Variants in PRKD1 observed in about 807,000 individuals in gnomAD.
PRKD1 encodes protein kinase D1, also known as serine/threonine-protein kinase D1.
A neutral mutation model predicts 95.9 loss-of-function variants in PRKD1; 63 were observed. The observed-to-expected ratio is 0.66, with a 90% CI of 0.54 to 0.81. The LOEUF (loss-of-function observed/expected upper bound fraction) is 0.81, where lower values mean the gene tolerates loss of function less well. Among genes scored for constraint, PRKD1 ranks in the 30% least tolerant of loss-of-function variants. The probability of loss-of-function intolerance (pLI) is 0.00; values close to 1 mark genes in which losing one functional copy is unlikely to be tolerated. For synonymous variants in PRKD1, 425 were observed against 423.1 expected, an observed-to-expected ratio of 1.00 and a Z score of -0.05; for missense variants, 1,048 against 1,165.3, an observed-to-expected ratio of 0.90 and a Z score of 1.47.
intron 13 of PRKD1, among the ~76,000 whole-genome samples, chr14:29,615,292 T>G (rs1395139794): frequency 1.3e-5 from 2 of 152,274 alleles, no homozygotes; most frequent in Non-Finnish European, 2.9e-5. Context: ...ACCAATATTT[T>G]CCATCCACTA....
intron 16 of PRKD1, among the ~76,000 whole-genome samples, chr14:29,588,972 C>T (rs1893031654): frequency 6.6e-6 from 1 of 152,010 alleles, no homozygotes; most frequent in Non-Finnish European, 1.5e-5. Flanking sequence ...CACCTGTGAA[C>T]ACAGAAAATG....
At chr14:29,713,256 T>C (rs1308055496) in intron 2 of PRKD1, among the ~76,000 whole-genome samples, 1 of 152,112 alleles carries the variant, frequency 6.6e-6, no homozygotes, top group Non-Finnish European at 1.5e-5. Flanking sequence ...CATAAAACCA[T>C]AAAACAATCT....
At chr14:29,738,702 C>A (rs529701877) in intron 1 of PRKD1, among the ~76,000 whole-genome samples, 47 of 152,338 alleles carry the variant, frequency 3.1e-4, no homozygotes, top group Middle Eastern at 6.8e-3. Context: ...TTGTTTCACA[C>A]TAGCACCTGC....
chr14:29,721,177 C>CAGG (rs1452068413), intron 2 of PRKD1, among the ~76,000 whole-genome samples: 1 of 152,142 alleles, frequency 6.6e-6, no homozygotes, highest in African/African-American at 2.4e-5. Flanking sequence ...GACTACAGTG[C>CAGG]CAGCTCTCTA....
At chr14:29,633,676 C>A (rs1243157115) in intron 8 of PRKD1, among the ~76,000 whole-genome samples, 1 of 152,038 alleles carries the variant, frequency 6.6e-6, no homozygotes, top group South Asian at 2.1e-4. Context: ...CAATTTTAGG[C>A]CAGTCAAATA....
At chr14:29,765,104 A>T (rs528009401) in intron 1 of PRKD1, among the ~76,000 whole-genome samples, 189 of 152,336 alleles carry the variant, frequency 1.2e-3, no homozygotes, top group Non-Finnish European at 1.5e-3. Context: ...AAGCAAATAT[A>T]GATTATCTCT....
chr14:29,621,752 A>G (rs1456157695), intron 13 of PRKD1, among the ~76,000 whole-genome samples: 1 of 152,144 alleles, frequency 6.6e-6, no homozygotes, highest in Non-Finnish European at 1.5e-5. Flanking sequence ...CTGAACCTAG[A>G]ACAGTGTTTG....
intron 1 of PRKD1, among the ~76,000 whole-genome samples, chr14:29,904,546 T>C (rs1215638255): frequency 2.0e-5 from 3 of 152,196 alleles, no homozygotes; most frequent in East Asian, 3.8e-4. Context: ...AGCTGATAAA[T>C]GTTAGCTATA....
chr14:29,826,468 A>G (rs1353352366), intron 1 of PRKD1, among the ~76,000 whole-genome samples: 5 of 116,268 alleles, frequency 4.3e-5, no homozygotes, highest in African/African-American at 1.8e-4. Flanking sequence ...TGGAATATAT[A>G]TACATATATA....
chr14:29,763,125 T>TAAAAAAAAA (rs36087571), intron 1 of PRKD1, among the ~76,000 whole-genome samples: 1 of 64,774 alleles, frequency 1.5e-5, no homozygotes, highest in Non-Finnish European at 2.8e-5. Context: ...TCTCTAAAAT[T>TAAAAAAAAA]AAAAAAAAAA....
chr14:29,850,816 G>A (rs1414847059), intron 1 of PRKD1, among the ~76,000 whole-genome samples: 2 of 151,224 alleles, frequency 1.3e-5, no homozygotes, highest in African/African-American at 4.9e-5. Context: ...TACATTACCT[G>A]ACTTCAAACC....
intron 1 of PRKD1, among the ~76,000 whole-genome samples, chr14:29,735,809 G>A (rs932011681): frequency 6.6e-6 from 1 of 152,046 alleles, no homozygotes; most frequent in Non-Finnish European, 1.5e-5. Flanking sequence ...GTAAAACGAT[G>A]GTTAAAATGT....
At chr14:29,895,282 A>G (rs950107401) in intron 1 of PRKD1, among the ~76,000 whole-genome samples, 2 of 152,144 alleles carry the variant, frequency 1.3e-5, no homozygotes, top group African/African-American at 4.8e-5. Context: ...ATGCCACTGC[A>G]CCCCAGCCTG....
chr14:29,610,548 G>C (rs1878393090), intron 13 of PRKD1, among the ~76,000 whole-genome samples: 1 of 152,164 alleles, frequency 6.6e-6, no homozygotes, highest in African/African-American at 2.4e-5. Flanking sequence ...GGAGTAACAA[G>C]AACTTTAATT....
chr14:29,800,476 T>A (rs1889981930), intron 1 of PRKD1, among the ~76,000 whole-genome samples: 1 of 152,212 alleles, frequency 6.6e-6, no homozygotes, highest in Admixed American at 6.5e-5. Flanking sequence ...TTTTATGGAT[T>A]CACCACAATA....
intron 2 of PRKD1, among the ~76,000 whole-genome samples, chr14:29,707,020 T>C (rs1405717435): frequency 6.6e-6 from 1 of 152,128 alleles, no homozygotes; most frequent in Non-Finnish European, 1.5e-5. Flanking sequence ...AGGCATTTCT[T>C]CTAATGTATT....
intron 16 of PRKD1, among the ~76,000 whole-genome samples, chr14:29,584,854 T>C (rs1892862862): frequency 5.4e-5 from 1 of 18,448 alleles, no homozygotes; most frequent in Non-Finnish European, 4.4e-4. Flanking sequence ...TATTTTACAA[T>C]GTGTATTTTT....
intron 16 of PRKD1, among the ~76,000 whole-genome samples, chr14:29,583,268 G>A (rs1892807958): frequency 6.6e-6 from 1 of 152,148 alleles, no homozygotes; most frequent in Non-Finnish European, 1.5e-5. Context: ...AGTGGTTTCA[G>A]GCAATAAACA....
At chr14:29,900,395 A>G (rs1312064897) in intron 1 of PRKD1, among the ~76,000 whole-genome samples, 1 of 152,190 alleles carries the variant, frequency 6.6e-6, no homozygotes, top group African/African-American at 2.4e-5. Flanking sequence ...ATAATGAAAA[A>G]AGAAAAATCT....
Sources: gnomAD v4.1 joint callset for allele counts (sites outside exome capture counted in the v4.1 genomes callset) on GRCh38, gnomAD v4.1.1 for gene constraint, MANE v1.5 for transcripts, NCBI Gene and HGNC (gene_info 2026-07-23, HGNC 2026-07-21) for gene names.